The following EIPR1 variants were observed in gnomAD, a reference collection of about 807,000 sequenced individuals.
EIPR1 encodes EARP complex and GARP complex interacting protein 1, also known as EARP and GARP complex-interacting protein 1.
EIPR1 carries 25 observed loss-of-function variants against 48.1 expected under a neutral mutation model. The ratio of observed to expected loss-of-function variants is 0.52; its 90% CI spans 0.38 to 0.73. EIPR1 has a LOEUF of 0.73. Among genes scored for constraint, EIPR1 ranks in the 30% least tolerant of loss-of-function variants. The pLI, the probability that EIPR1 is intolerant of heterozygous loss-of-function variation, is 0.00. For missense variants in EIPR1, 415 were observed against 506.2 expected (o/e 0.82, Z 1.73); for synonymous variants, 204 against 201.9 (o/e 1.01, Z -0.09).
At chr2:3,353,142 C>T (rs1670629145) in intron 2 of EIPR1, 1 of 431,426 alleles carries the variant, frequency 2.3e-6, no homozygotes, top group Admixed American at 2.9e-5. Flanking sequence ...CTAACTTATA[C>T]CTTAAACTTT....
chr2:3,214,350 T>C lies in EIPR1; in HGVS notation c.417-102A>G, dbSNP rs571487788. Reference sequence around the variant, plus strand: ...TGTTCTTCATGACGCAGGAAATCTTTTCCGGCCTGTAGTCACTAGAGTATT... The same window carrying C: ...TGTTCTTCATGACGCAGGAAATCTTCTCCGGCCTGTAGTCACTAGAGTATT... On this transcript the variant is annotated intron_variant, in intron 4 of 8. Transcript: ENST00000382125. 10 of 1,072,996 alleles carry C rather than the reference T, an allele frequency of 9.3e-6. No individual in the cohort carries two copies. The East Asian group carries it at 2.5e-4, about 26-fold the overall frequency. 66.5% of individuals were successfully genotyped at this position (1,072,996 alleles called of 1,614,324 possible).
At chr2:3,357,154 T>A (rs1386026510) in intron 1 of EIPR1, among the ~76,000 whole-genome samples, 1 of 152,240 alleles carries the variant, frequency 6.6e-6, no homozygotes, top group Non-Finnish European at 1.5e-5. Flanking sequence ...TATTTGGACC[T>A]GAGAAGATTC....
At position 3,240,360 on chromosome 2, in the gene EIPR1, CCCTTCCTAAAGCAAAGCCAGCAGAT is replaced by C. The variant is rs1558244448; in HGVS notation, c.416+16914_416+16938del. On this transcript the variant is annotated intron_variant, in intron 4 of 8. Transcript: ENST00000382125. ...TCCTTCCTAAAGCAAAGCCAGCAGACCCTTCCTAAAGCAAAGCCAGCAGATCCTTCCTAAAGCAAAGCCAGCAGAT... is the reference window on the plus strand; with the variant it reads ...TCCTTCCTAAAGCAAAGCCAGCAGACCCTTCCTAAAGCAAAGCCAGCAGAT... Among the ~76,000 whole-genome samples the C allele has an allele frequency of 8.0e-3, 525 of 65,330 alleles. 4 individuals are homozygous for C. Among genetic ancestry groups the C allele is most frequent in the Non-Finnish European group, 0.012 (376 of 30,096 alleles). 42.9% of individuals were successfully genotyped at this position (65,330 alleles called of 152,430 possible). A position where few individuals can be genotyped will look rare whatever the true frequency, so the allele number is the denominator to read the frequency against.
intron 3 of EIPR1, among the ~76,000 whole-genome samples, chr2:3,324,470 TC>T (rs1333542212): frequency 6.6e-6 from 1 of 152,194 alleles, no homozygotes; most frequent in Non-Finnish European, 1.5e-5. Flanking sequence ...CAGGCTGGAC[TC>T]CCAGGCCGTG....
intron 3 of EIPR1, among the ~76,000 whole-genome samples, chr2:3,276,482 C>T (rs1192084194): frequency 6.6e-6 from 1 of 152,186 alleles, no homozygotes; most frequent in East Asian, 1.9e-4. Flanking sequence ...GCTCTTCTAA[C>T]GTGGTCAGGA....
chr2:3,249,195 T>C (rs1384373830), intron 4 of EIPR1, among the ~76,000 whole-genome samples: 2 of 152,150 alleles, frequency 1.3e-5, no homozygotes, highest in Admixed American at 6.5e-5. Flanking sequence ...TATTGAGTGA[T>C]TGTAGCCAAA....
intron 3 of EIPR1, among the ~76,000 whole-genome samples, chr2:3,314,220 T>A (rs1487984509): frequency 6.6e-6 from 1 of 152,124 alleles, no homozygotes; most frequent in East Asian, 1.9e-4. Context: ...TCATCCCAGT[T>A]CTAACGTGGG....
chr2:3,294,510 C>T (rs1421657271), intron 3 of EIPR1, among the ~76,000 whole-genome samples: 2 of 139,896 alleles, frequency 1.4e-5, no homozygotes, highest in Middle Eastern at 4.8e-3. Flanking sequence ...TCCATCCAGC[C>T]GATCCTCTCT....
chr2:3,374,463 T>C (rs1158224132), intron 1 of EIPR1, among the ~76,000 whole-genome samples: 1 of 151,480 alleles, frequency 6.6e-6, no homozygotes, highest in Non-Finnish European at 1.5e-5. Flanking sequence ...TGGGAGAAAA[T>C]TTTCACAACC....
intron 4 of EIPR1, among the ~76,000 whole-genome samples, chr2:3,238,158 C>A (rs1341779807): frequency 6.6e-6 from 1 of 152,290 alleles, no homozygotes; most frequent in East Asian, 1.9e-4. Flanking sequence ...AAGAAAAAAA[C>A]CTCCAAGAGA....
chr2:3,208,921 C>T, intron 5 of EIPR1: 1 of 1,541,774 alleles, frequency 6.5e-7, no homozygotes, highest in East Asian at 2.5e-5. Context: ...CACACAGGGT[C>T]CGTGCACGCT....
Position 3,241,138 on chromosome 2 carries a change from C to T in EIPR1, c.416+16161G>A, listed in dbSNP as rs540817016. Among the ~76,000 whole-genome samples the T allele has an allele frequency of 1.6e-3, 237 of 152,124 alleles. 1 individual carries two copies. The highest frequency in any genetic ancestry group is 3.1e-3 in the Non-Finnish European group (211 of 68,008). On this transcript the variant is annotated intron_variant, in intron 4 of 8. Coordinates refer to ENST00000382125, the MANE Select transcript of EIPR1 (RefSeq NM_003310.5). The stretch of plus-strand genomic sequence containing the variant: ...TCCTAAAGAAAAGCAGCAGACTCTT[C>T]CTCAGGAATAGCCAGCAGATCCTTC...
At chr2:3,218,204 T>A (rs1291920959) in intron 4 of EIPR1, among the ~76,000 whole-genome samples, 41 of 106,866 alleles carry the variant, frequency 3.8e-4, no homozygotes, top group Middle Eastern at 8.8e-3. Context: ...GCTCTAGAGC[T>A]TTCACAGTGA....
chr2:3,343,370 G>A (rs1168866940), intron 2 of EIPR1, among the ~76,000 whole-genome samples: 2 of 152,226 alleles, frequency 1.3e-5, no homozygotes, highest in Admixed American at 6.5e-5. Context: ...CAAGCAATGC[G>A]AGAAAGAAAC....
intron 4 of EIPR1, among the ~76,000 whole-genome samples, chr2:3,218,280 C>T (rs1665718114): frequency 6.7e-6 from 1 of 148,948 alleles, no homozygotes. Context: ...AGGTGCACAC[C>T]CAACACGGCC....
chr2:3,328,678 A>G (rs867851945), intron 3 of EIPR1, among the ~76,000 whole-genome samples: 53 of 100,156 alleles, frequency 5.3e-4, no homozygotes, highest in South Asian at 2.4e-3. Context: ...GGCACCAGCC[A>G]GGCTCCCCTG....
At chr2:3,296,210 T>TCTGC (rs1668585697) in intron 3 of EIPR1, among the ~76,000 whole-genome samples, 2 of 97,356 alleles carry the variant, frequency 2.1e-5, no homozygotes, top group African/African-American at 4.1e-5. Flanking sequence ...CCATCCTCTC[T>TCTGC]ACACAGACAC....
intron 3 of EIPR1, among the ~76,000 whole-genome samples, chr2:3,273,896 A>G (rs1667770885): frequency 6.6e-6 from 1 of 152,210 alleles, no homozygotes; most frequent in Non-Finnish European, 1.5e-5. Flanking sequence ...AGATACTATA[A>G]TCGCAATGTT....
In EIPR1 at chr2:3,369,122, G is replaced by A. The variant is rs57110596; in HGVS notation, c.42+8526C>T. 7.4e-4 allele frequency among the ~76,000 whole-genome samples: 112 copies of A among 152,272 alleles called. 1 individual carries two copies. In the East Asian group the frequency reaches 0.016, roughly 21 times the overall value. ...AAAGTCTTGGTCCATGATACTATCC[G>A]ATAAAATCCAAGTAGCAAAAGTCAG... On this transcript the variant is annotated intron_variant, in intron 1 of 8. Coordinates refer to ENST00000382125, the MANE Select transcript of EIPR1 (RefSeq NM_003310.5).
Sources: gnomAD v4.1 joint callset for allele counts (sites outside exome capture counted in the v4.1 genomes callset) on GRCh38, gnomAD v4.1.1 for gene constraint, MANE v1.5 for transcripts, NCBI Gene and HGNC (gene_info 2026-07-23, HGNC 2026-07-21) for gene names.